Variants in CWC27 observed in about 807,000 individuals in gnomAD.
CWC27 encodes CWC27 spliceosome associated cyclophilin, also known as spliceosome-associated protein CWC27 homolog.
A neutral mutation model predicts 63.6 loss-of-function variants in CWC27; 47 were observed. The observed-to-expected ratio is 0.74, with a 90% CI of 0.58 to 0.94. CWC27 has a LOEUF of 0.94. Ranked by LOEUF, CWC27 falls within the 40% of genes least tolerant of loss-of-function variation. The pLI is 0.00. For missense variants in CWC27, 495 were observed against 554.3 expected (o/e 0.89, Z 1.07); for synonymous variants, 175 against 179.8 (o/e 0.97, Z 0.22).
intron 7 of CWC27, among the ~76,000 whole-genome samples, chr5:64,790,977 A>G (rs1744058528): frequency 6.6e-6 from 1 of 152,058 alleles, no homozygotes; most frequent in Non-Finnish European, 1.5e-5. Context: ...CTCTCATATG[A>G]TTATGAATGC....
chr5:64,875,604 C>A (rs548794876), intron 10 of CWC27, among the ~76,000 whole-genome samples: 3 of 152,102 alleles, frequency 2.0e-5, no homozygotes, highest in African/African-American at 7.2e-5. Flanking sequence ...ATTTAGTGAC[C>A]AGAGTTAGGA....
chr5:64,822,163 A>C (rs1745218990), intron 10 of CWC27, among the ~76,000 whole-genome samples: 1 of 152,236 alleles, frequency 6.6e-6, no homozygotes, highest in Non-Finnish European at 1.5e-5. Flanking sequence ...CATGGAAAAT[A>C]AACTGGGAGG....
intron 10 of CWC27, among the ~76,000 whole-genome samples, chr5:64,854,855 A>G (rs1331941961): frequency 6.6e-6 from 1 of 152,034 alleles, no homozygotes; most frequent in Admixed American, 6.6e-5. Flanking sequence ...TTTTTTTTTA[A>G]TAACACTTGG....
At position 64,838,117 on chromosome 5, in the gene CWC27, A is replaced by G. The variant is rs372899237; in HGVS notation, c.938+33731A>G. Among the ~76,000 whole-genome samples, 454 of 152,330 alleles carry G rather than the reference A, an allele frequency of 3.0e-3. 3 individuals carry two copies. Among genetic ancestry groups the G allele is most frequent in the African/African-American group, 0.01 (430 of 41,594 alleles). ...TAGCATTACTTATTTGATCAAAGTC[A>G]TTAGATTGCTTTTACTATCTTAGTT... On this transcript the variant is annotated intron_variant, in intron 10 of 13. Transcript: ENST00000381070.
At chr5:64,906,952 G>C (rs954570427) in intron 11 of CWC27, among the ~76,000 whole-genome samples, 1 of 152,106 alleles carries the variant, frequency 6.6e-6, no homozygotes, top group African/African-American at 2.4e-5. Flanking sequence ...GTTTTTGTCA[G>C]GTTTGTCAAA....
chr5:64,918,067 T>G lies in CWC27; in HGVS notation c.1042+32521T>G, dbSNP rs1382155050. Among the ~76,000 whole-genome samples the G allele has an allele frequency of 3.3e-5, 5 of 152,130 alleles. No individual in the cohort carries two copies. The East Asian group carries it at 7.7e-4, about 23-fold the overall frequency. ...AATTTTTCAGGTGAATATTTGTTTT[T>G]TAGCATCTGAGTTTCAGTCCAAACA... On this transcript the variant is annotated intron_variant, in intron 11 of 13. Coordinates refer to ENST00000381070, the MANE Select transcript of CWC27 (RefSeq NM_005869.4).
At chr5:64,776,350 G>T (rs1424414940) in intron 2 of CWC27, among the ~76,000 whole-genome samples, 2 of 152,014 alleles carry the variant, frequency 1.3e-5, no homozygotes, top group African/African-American at 4.8e-5. Flanking sequence ...TAGAAAGAAT[G>T]AATGGTAAAT....
At chr5:64,994,813 C>G (rs1205734774) in intron 13 of CWC27, among the ~76,000 whole-genome samples, 1 of 152,138 alleles carries the variant, frequency 6.6e-6, no homozygotes, top group African/African-American at 2.4e-5. Context: ...TGTGTACATA[C>G]TATAATGTGT....
chr5:64,805,002 T>C (rs1744612057), intron 10 of CWC27: 1 of 152,106 alleles, frequency 6.6e-6, no homozygotes, highest in Non-Finnish European at 1.5e-5. Flanking sequence ...TTTGTGATTC[T>C]ATTTCAACTT....
intron 7 of CWC27, among the ~76,000 whole-genome samples, chr5:64,790,178 A>G (rs1471935775): frequency 6.6e-6 from 1 of 152,166 alleles, no homozygotes; most frequent in Non-Finnish European, 1.5e-5. Flanking sequence ...CTGTACACCA[A>G]CATTCTAAAC....
At chr5:64,880,854 ATT>A (rs35152901) in intron 10 of CWC27, among the ~76,000 whole-genome samples, 26 of 135,988 alleles carry the variant, frequency 1.9e-4, no homozygotes, top group Middle Eastern at 4.0e-3. Flanking sequence ...TATAAAAGCC[ATT>A]TTTTTTTTTT....
At chr5:64,917,283 A>G (rs1411423563) in intron 11 of CWC27, among the ~76,000 whole-genome samples, 1 of 152,138 alleles carries the variant, frequency 6.6e-6, no homozygotes, top group Non-Finnish European at 1.5e-5. Context: ...TGACTAGTGG[A>G]GACAAAGTGA....
At chr5:64,993,499 G>A (rs1309548) in intron 13 of CWC27, among the ~76,000 whole-genome samples, 103,075 of 150,112 alleles carry the variant, frequency 0.69, 35,655 homozygotes, top group African/African-American at 0.75. Flanking sequence ...TAAAAAAAAA[G>A]AAGTTCTTTA....
At chr5:64,775,573 T>C (rs1743412745) in intron 2 of CWC27, among the ~76,000 whole-genome samples, 1 of 152,186 alleles carries the variant, frequency 6.6e-6, no homozygotes. Context: ...TGTTTAAGTC[T>C]ACCCATTTTT....
chr5:64,914,100 A>T (rs1747843151), intron 11 of CWC27, among the ~76,000 whole-genome samples: 1 of 152,142 alleles, frequency 6.6e-6, no homozygotes. Flanking sequence ...GAATTAGAGG[A>T]TAATTAATTT....
intron 10 of CWC27, among the ~76,000 whole-genome samples, chr5:64,820,884 G>A (rs1745177148): frequency 6.6e-6 from 1 of 151,494 alleles, no homozygotes; most frequent in Non-Finnish European, 1.5e-5. Context: ...AACACAAAAA[G>A]CATGATCTGT....
intron 11 of CWC27, among the ~76,000 whole-genome samples, chr5:64,890,109 G>A (rs747189368): frequency 3.3e-5 from 5 of 152,180 alleles, no homozygotes; most frequent in Non-Finnish European, 7.3e-5. Flanking sequence ...GAGATAAGGT[G>A]TTAGGTCCTC....
At chr5:64,923,311 A>G (rs1748033944) in intron 11 of CWC27, among the ~76,000 whole-genome samples, 1 of 152,110 alleles carries the variant, frequency 6.6e-6, no homozygotes, top group African/African-American at 2.4e-5. Flanking sequence ...GCCACTGGAC[A>G]ACAGGATGTA....
intron 11 of CWC27, among the ~76,000 whole-genome samples, chr5:64,897,394 A>G (rs1747404411): frequency 6.6e-6 from 1 of 152,230 alleles, no homozygotes; most frequent in Non-Finnish European, 1.5e-5. Context: ...ACCATGGAAT[A>G]CTATGCAGCT....
Sources: gnomAD v4.1 joint callset for allele counts (sites outside exome capture counted in the v4.1 genomes callset) on GRCh38, gnomAD v4.1.1 for gene constraint, MANE v1.5 for transcripts, NCBI Gene and HGNC (gene_info 2026-07-23, HGNC 2026-07-21) for gene names.